Variants in ZBTB7C observed in about 807,000 individuals in gnomAD.
The protein encoded by ZBTB7C is zinc finger and BTB domain-containing protein 7C.
A neutral mutation model predicts 25.7 loss-of-function variants in ZBTB7C; 8 were observed. That is an observed-to-expected ratio of 0.31 (90% confidence interval 0.18 to 0.56). ZBTB7C has a LOEUF of 0.56. Ranked by LOEUF, ZBTB7C falls within the 20% of genes least tolerant of loss-of-function variation. The pLI is 0.91. For synonymous variants in ZBTB7C, 394 were observed against 369.0 expected, an observed-to-expected ratio of 1.07 and a Z score of -0.78; for missense variants, 824 against 855.2, an observed-to-expected ratio of 0.96 and a Z score of 0.46.
At chr18:48,191,604 A>G (rs1222175331) in intron 2 of ZBTB7C, among the ~76,000 whole-genome samples, 2 of 152,208 alleles carry the variant, frequency 1.3e-5, no homozygotes, top group Non-Finnish European at 2.9e-5. Context: ...GGGCAGGCAC[A>G]TAAATGATAG....
rs541329420 is a variant in ZBTB7C, at chr18:48,218,119, G to A, written c.-78-32124C>T. On this transcript the variant is annotated intron_variant, in intron 2 of 4. Coordinates refer to ENST00000590800, the MANE Select transcript of ZBTB7C (RefSeq NM_001318841.2). ...TTCAAAGTCAACACCGAACACCAGGGTTCCGGGGTGGCTCACTAGACCTGG... is the reference window on the plus strand; with the variant it reads ...TTCAAAGTCAACACCGAACACCAGGATTCCGGGGTGGCTCACTAGACCTGG... 2.0e-4 allele frequency among the ~76,000 whole-genome samples: 30 copies of A among 152,240 alleles called. No homozygotes were observed. In the South Asian group the frequency reaches 5.2e-3, roughly 26 times the overall value.
At chr18:48,389,686 C>T (rs552588113) in intron 1 of ZBTB7C, among the ~76,000 whole-genome samples, 19 of 152,058 alleles carry the variant, frequency 1.2e-4, no homozygotes, top group Non-Finnish European at 2.1e-4. Context: ...CAGCTGAAAC[C>T]ACATTCCTGT....
intron 4 of ZBTB7C, among the ~76,000 whole-genome samples, chr18:48,032,422 G>GT (rs71165309): frequency 0.03 from 1,930 of 65,112 alleles, 377 homozygotes; most frequent in Middle Eastern, 0.045. Context: ...GACAAGGTAG[G>GT]TTTTTTTTTT....
intron 2 of ZBTB7C, among the ~76,000 whole-genome samples, chr18:48,272,598 G>GT (rs2044526429): frequency 6.6e-6 from 1 of 151,960 alleles, no homozygotes; most frequent in Non-Finnish European, 1.5e-5. Flanking sequence ...AGAGTGAAGA[G>GT]TTTCTCAAAG....
At chr18:48,269,709 T>A (rs2044416785) in intron 2 of ZBTB7C, among the ~76,000 whole-genome samples, 1 of 152,198 alleles carries the variant, frequency 6.6e-6, no homozygotes, top group Admixed American at 6.5e-5. Context: ...TGGGACCACA[T>A]TTAAAGATTT....
intron 3 of ZBTB7C, among the ~76,000 whole-genome samples, chr18:48,054,638 T>C (rs183377555): frequency 6.6e-6 from 1 of 152,344 alleles, no homozygotes; most frequent in African/African-American, 2.4e-5. Flanking sequence ...CTTGTACTTT[T>C]CTTCTAAGCA....
At chr18:48,053,576 CATCATT>C (rs1323176855) in intron 3 of ZBTB7C, among the ~76,000 whole-genome samples, 11 of 152,164 alleles carry the variant, frequency 7.2e-5, no homozygotes, top group African/African-American at 2.7e-4. Flanking sequence ...TGGCTACTGT[CATCATT>C]ATCACCCCAT....
chr18:48,247,860 C>T (rs116464965), intron 2 of ZBTB7C, among the ~76,000 whole-genome samples: 2 of 152,252 alleles, frequency 1.3e-5, no homozygotes, highest in African/African-American at 2.4e-5. Context: ...CACCCCCCTG[C>T]GAAGAGGTGC....
At chr18:48,384,963 T>C (rs1050539315) in intron 1 of ZBTB7C, among the ~76,000 whole-genome samples, 2 of 152,246 alleles carry the variant, frequency 1.3e-5, no homozygotes, top group African/African-American at 4.8e-5. Flanking sequence ...ATTACAGGCA[T>C]GAGCCACCAC....
At chr18:48,136,930 T>A in intron 3 of ZBTB7C, 407 of 830,868 alleles carry the variant, frequency 4.9e-4, no homozygotes, top group Non-Finnish European at 5.5e-4. Context: ...CCCCACCCCC[T>A]CCCCACGGCC....
At chr18:48,140,815 ACCAT>A (rs2040318825) in intron 3 of ZBTB7C, among the ~76,000 whole-genome samples, 1 of 151,856 alleles carries the variant, frequency 6.6e-6, no homozygotes, top group African/African-American at 2.4e-5. Flanking sequence ...CCCCAGCCAA[ACCAT>A]CCATCAGCAA....
chr18:48,066,368 G>C (rs1384939321), intron 3 of ZBTB7C, among the ~76,000 whole-genome samples: 1 of 152,154 alleles, frequency 6.6e-6, no homozygotes. Context: ...CGGAGGTGGG[G>C]GTGATGTGTT....
rs1459707251 is a variant in ZBTB7C at position 48,315,420 on chromosome 18, G to A, written c.-79+22754C>T. Among the ~76,000 whole-genome samples the A allele has an allele frequency of 2.0e-5, 3 of 152,142 alleles. 1 individual carries two copies. Among genetic ancestry groups the A allele is most frequent in the Non-Finnish European group, 4.4e-5 (3 of 68,024 alleles). On this transcript the variant is annotated intron_variant, in intron 2 of 4. Transcript: ENST00000590800. Reference sequence around the variant, plus strand: ...CAATGGAGTGACGGTCCTCCCCACAGGGACTCATGATGTCCAAGGTAGTCA... The same window carrying A: ...CAATGGAGTGACGGTCCTCCCCACAAGGACTCATGATGTCCAAGGTAGTCA...
intron 3 of ZBTB7C, among the ~76,000 whole-genome samples, chr18:48,151,418 G>A (rs1361179816): frequency 6.6e-6 from 1 of 152,170 alleles, no homozygotes; most frequent in Non-Finnish European, 1.5e-5. Flanking sequence ...ACATGTTCAT[G>A]GTGCCTAACA....
intron 2 of ZBTB7C, among the ~76,000 whole-genome samples, chr18:48,298,266 C>T (rs8093496): frequency 0.14 from 19,556 of 143,332 alleles, 1,602 homozygotes; most frequent in African/African-American, 0.23. Flanking sequence ...GGCAATGGAG[C>T]GAGACTCTGT....
At chr18:48,298,477 G>A (rs905467436) in intron 2 of ZBTB7C, among the ~76,000 whole-genome samples, 6 of 151,918 alleles carry the variant, frequency 3.9e-5, no homozygotes, top group African/African-American at 1.2e-4. Flanking sequence ...CCATCTTGAC[G>A]CCCACCTCCA....
intron 2 of ZBTB7C, among the ~76,000 whole-genome samples, chr18:48,198,216 C>A (rs987406981): frequency 6.6e-5 from 10 of 152,162 alleles, no homozygotes; most frequent in Non-Finnish European, 1.3e-4. Flanking sequence ...CTGTCCATTC[C>A]ATTTTCATTT....
chr18:48,405,800 G>A (rs1316640391), intron 1 of ZBTB7C, among the ~76,000 whole-genome samples: 1 of 149,416 alleles, frequency 6.7e-6, no homozygotes, highest in Non-Finnish European at 1.5e-5. Context: ...TACCCTCCCT[G>A]CAGGATGCTG....
chr18:48,157,493 G>C (rs2040874081), intron 3 of ZBTB7C, among the ~76,000 whole-genome samples: 1 of 152,146 alleles, frequency 6.6e-6, no homozygotes, highest in Non-Finnish European at 1.5e-5. Context: ...ACTTCTCAAA[G>C]TGACCACTCG....
Sources: allele counts gnomAD v4.1 joint callset (sites outside exome capture counted in the v4.1 genomes callset), GRCh38; gene constraint gnomAD v4.1.1; transcripts MANE v1.5; gene names NCBI Gene and HGNC (gene_info 2026-07-23, HGNC 2026-07-21).